CAMKK2: variants seen among roughly 807,000 people sequenced by gnomAD.
CAMKK2 encodes calcium/calmodulin-dependent protein kinase kinase 2.
In CAMKK2, 30 loss-of-function variants were observed where a neutral mutation model predicts 67.2. The ratio of observed to expected loss-of-function variants is 0.45; its 90% confidence interval spans 0.33 to 0.61. The LOEUF (loss-of-function observed/expected upper bound fraction) is 0.61, where lower values mean the gene tolerates loss of function less well. Ranked by LOEUF, CAMKK2 falls within the 20% of genes least tolerant of loss-of-function variation. The probability of loss-of-function intolerance (pLI) is 0.02; values close to 1 mark genes in which losing one functional copy is unlikely to be tolerated. For synonymous variants in CAMKK2, 322 were observed against 326.2 expected (o/e 0.99, Z 0.14); for missense variants, 643 against 802.0 (o/e 0.80, Z 2.39).
chr12:121,242,043 A>G (rs184984845), intron 16 of CAMKK2, among the ~76,000 whole-genome samples: 15 of 152,282 alleles, frequency 9.9e-5, no homozygotes, highest in Admixed American at 7.8e-4. Flanking sequence ...GATCTCATTG[A>G]AACGAAGGCC....
intron 16 of CAMKK2, chr12:121,244,124 C>T (rs752839438): frequency 6.2e-7 from 1 of 1,611,826 alleles, no homozygotes. Flanking sequence ...GACTTATTTT[C>T]TAGGTCTAAA....
rs956810708 is a variant in CAMKK2, at chr12:121,258,214, T to C, written c.796+2105A>G. 3.9e-5 allele frequency among the ~76,000 whole-genome samples: 6 copies of C among 151,900 alleles called. 1 individual carries two copies. Among genetic ancestry groups the C allele is most frequent in the Admixed American group, 3.9e-4 (6 of 15,226 alleles). ...TAATTTTGTATTTTTAGCAGAAACA[T>C]GGTTTCACCATGTTGGTTAGGTTGG... is the stretch of plus-strand genomic sequence containing the variant. On this transcript the variant is annotated intron_variant, in intron 7 of 16. Coordinates refer to ENST00000404169, the MANE Select transcript of CAMKK2 (RefSeq NM_001270485.2).
At chr12:121,287,329 A>G (rs969050035) in intron 1 of CAMKK2, among the ~76,000 whole-genome samples, 3 of 152,160 alleles carry the variant, frequency 2.0e-5, no homozygotes, top group Non-Finnish European at 2.9e-5. Flanking sequence ...TAGCGTATGC[A>G]TATCATTTCA....
rs1300447805 is a variant in CAMKK2 at position 121,253,175 on chromosome 12, T to G, written c.1107+98A>C. ...CCCTCAGTATCTTGATCCAGGGGAT[T>G]CACTGTTTAAGCCTGTGTGCGTTGG... On this transcript the variant is annotated intron_variant, in intron 10 of 16. Coordinates refer to ENST00000404169, the MANE Select transcript of CAMKK2 (RefSeq NM_001270485.2). This position sits in a 1 kb window ranked among gnomAD's most constrained non-coding sequence, Gnocchi z 5.0. 9.8e-7 allele frequency: 1 copy of G among 1,024,618 alleles called. No homozygotes were observed. The highest frequency in any genetic ancestry group is 1.6e-5 in the African/African-American group (1 of 63,166). 63.5% of individuals were successfully genotyped at this position (1,024,618 alleles called of 1,614,324 possible). A position where few individuals can be genotyped will look rare whatever the true frequency, so the allele number is the denominator to read the frequency against.
Position 121,268,709 on chromosome 12 carries a change from A to G in CAMKK2, c.574-20T>C, listed in dbSNP as rs1341160761. On this transcript the variant is annotated intron_variant, in intron 4 of 16. Coordinates refer to ENST00000404169, the MANE Select transcript of CAMKK2 (RefSeq NM_001270485.2). Reference sequence around the variant, plus strand: ...CATTGCCTGCAGGAAAATGAAGGACAGCACCTTTAGCCAGGTCCTGTTTAA... The same window carrying G: ...CATTGCCTGCAGGAAAATGAAGGACGGCACCTTTAGCCAGGTCCTGTTTAA... 1 of 1,613,120 alleles carries G rather than the reference A, an allele frequency of 6.2e-7. No homozygotes were observed. The highest frequency in any genetic ancestry group is 8.5e-7 in the Non-Finnish European group (1 of 1,179,106).
chr12:121,294,196 G>A (rs1900682519), intron 1 of CAMKK2, among the ~76,000 whole-genome samples: 1 of 151,962 alleles, frequency 6.6e-6, no homozygotes, highest in African/African-American at 2.4e-5. Context: ...GCCTCCCAAA[G>A]TGCTGGGATT....
At chr12:121,287,680 C>G (rs1027593217) in intron 1 of CAMKK2, among the ~76,000 whole-genome samples, 4 of 152,198 alleles carry the variant, frequency 2.6e-5, no homozygotes, top group Non-Finnish European at 4.4e-5. Context: ...CTAAAGCCAG[C>G]TGTGGGCCAG....
At chr12:121,255,691 C>T (rs939792131) in intron 8 of CAMKK2, 53 bp from the exon 9 acceptor site, 1 of 1,607,640 alleles carries the variant, frequency 6.2e-7, no homozygotes, top group Middle Eastern at 1.7e-4. Flanking sequence ...AGCCCTTGCC[C>T]TCTCTCATGA....
At chr12:121,271,428 A>G (rs1466944094) in intron 2 of CAMKK2, among the ~76,000 whole-genome samples, 1 of 152,100 alleles carries the variant, frequency 6.6e-6, no homozygotes, top group Non-Finnish European at 1.5e-5. Flanking sequence ...CTTGACTTCT[A>G]ACAACGCTGA....
chr12:121,255,304 T>TATATATTTATA (rs1891870229), intron 9 of CAMKK2, among the ~76,000 whole-genome samples: 2 of 5,998 alleles, frequency 3.3e-4, no homozygotes, highest in Non-Finnish European at 5.6e-4. Context: ...ATATATAATT[T>TATATATTTATA]TATATATAAT....
intron 1 of CAMKK2, among the ~76,000 whole-genome samples, chr12:121,279,336 G>A (rs541172175): frequency 6.6e-6 from 1 of 152,324 alleles, no homozygotes; most frequent in East Asian, 1.9e-4. Context: ...GGCCCTGACA[G>A]GAAGAGATGC....
chr12:121,274,379 C>T lies in CAMKK2; in HGVS notation c.148G>A (p.Glu50Lys). The T allele has an allele frequency of 6.2e-7, 1 of 1,613,546 alleles. No homozygotes were observed. Among genetic ancestry groups the T allele is most frequent in the Non-Finnish European group, 8.5e-7 (1 of 1,179,956 alleles). ...CACTCGGTGACCACAATGAAGGACT[C>T]CATGCCCAGGTGGATGCTCAAGGAT... ...LSSLSIHLGM[E>K]SFIVVTECEP... Residue 50 changes from glutamate to lysine, a missense_variant, in exon 2 of 17, where the codon GAG (glutamate) becomes AAG (lysine). Around this residue, in one of 3 missense-constraint regions of CAMKK2, gnomAD observed 483 missense variants for 625.8 expected, o/e 0.77. Transcript: ENST00000404169.
chr12:121,279,972 G>C (rs563342511), intron 1 of CAMKK2, among the ~76,000 whole-genome samples: 1 of 152,206 alleles, frequency 6.6e-6, no homozygotes, highest in African/African-American at 2.4e-5. Flanking sequence ...AGGTGCTCCC[G>C]AGCCCGGACA....
Position 121,253,369 on chromosome 12 carries a change from G to A in CAMKK2, c.1011C>T (p.Phe337=), listed in dbSNP as rs772051252. The change falls in exon 10 of 17, where the codon TTC becomes TTT. Residue 337 remains phenylalanine, a synonymous_variant. Coordinates refer to ENST00000404169, the MANE Select transcript of CAMKK2 (RefSeq NM_001270485.2). The surrounding 1 kb of genome is among the most constrained non-coding windows in gnomAD (Gnocchi z 5.0). ...KIADFGVSNE[F]KGSDALLSNT... is the part of the protein sequence containing the mutation. ...TGGAGAGGAGCGCGTCACTGCCCTT[G>A]AATTCATTGCTCACACCAAAGTCAG... 7.4e-6 allele frequency: 12 copies of A among 1,614,062 alleles called. No homozygotes were observed. The Admixed American group carries it at 2.0e-4, about 27-fold the overall frequency.
intron 1 of CAMKK2, among the ~76,000 whole-genome samples, chr12:121,287,423 G>A (rs926997693): frequency 1.3e-5 from 2 of 152,064 alleles, no homozygotes; most frequent in Non-Finnish European, 2.9e-5. Flanking sequence ...TGGAGTCACC[G>A]AGACTCAGAG....
At chr12:121,248,457 G>T in intron 14 of CAMKK2, 149 bp downstream of exon 14, 1 of 829,608 alleles carries the variant, frequency 1.2e-6, no homozygotes, top group Non-Finnish European at 1.9e-6. Context: ...CCTGATACAT[G>T]ACCAAGGCCC....
At chr12:121,251,419 A>G (rs759147742) in intron 11 of CAMKK2, among the ~76,000 whole-genome samples, 2 of 152,158 alleles carry the variant, frequency 1.3e-5, no homozygotes, top group African/African-American at 2.4e-5. Context: ...AAACTCCTTT[A>G]CTTCTTCATG....
At chr12:121,255,697 C>G in intron 8 of CAMKK2, 59 bp from the exon 9 acceptor site, 1 of 1,607,184 alleles carries the variant, frequency 6.2e-7, no homozygotes, top group Non-Finnish European at 8.5e-7. Flanking sequence ...TGCCCTCTCT[C>G]ATGAGCAGAG....
At chr12:121,289,301 ACACTGG>A (rs1899478567) in intron 1 of CAMKK2, among the ~76,000 whole-genome samples, 1 of 152,196 alleles carries the variant, frequency 6.6e-6, no homozygotes, top group African/African-American at 2.4e-5. Context: ...TGAAACCGAA[ACACTGG>A]CAGCTAAAAT....
Sources: gnomAD v4.1 joint callset for allele counts (sites outside exome capture counted in the v4.1 genomes callset) on GRCh38, gnomAD v4.1.1 for gene constraint, gnomAD v4.1.1 regional missense constraint, Gnocchi (gnomAD v3.1) non-coding constraint, MANE v1.5 for transcripts, NCBI Gene and HGNC (gene_info 2026-07-23, HGNC 2026-07-21) for gene names.